Variants in SEMA4D observed in about 807,000 individuals in gnomAD.
SEMA4D encodes semaphorin-4D.
In SEMA4D, 22 loss-of-function variants were observed where a neutral mutation model predicts 74.8. The observed-to-expected ratio is 0.29, with a 90% confidence interval of 0.21 to 0.42. The LOEUF is 0.42. SEMA4D is among the 10% of genes least tolerant of loss of function. The probability of loss-of-function intolerance (pLI) is 1.00; values close to 1 mark genes in which losing one functional copy is unlikely to be tolerated. For missense variants in SEMA4D, 937 were observed against 1,118.4 expected, an observed-to-expected ratio of 0.84 and a Z score of 2.31; for synonymous variants, 445 against 463.7, an observed-to-expected ratio of 0.96 and a Z score of 0.52.
At chr9:89,448,747 G>C (rs1853594082) in intron 2 of SEMA4D, among the ~76,000 whole-genome samples, 2 of 152,226 alleles carry the variant, frequency 1.3e-5, no homozygotes, top group Admixed American at 6.5e-5. Context: ...TCTCTGCAAA[G>C]AAAAATGGGC....
intron 16 of SEMA4D, among the ~76,000 whole-genome samples, chr9:89,366,239 A>C (rs1026302062): frequency 5.9e-5 from 9 of 152,258 alleles, no homozygotes; most frequent in Non-Finnish European, 8.8e-5. Flanking sequence ...GTCATGGCCC[A>C]AAAATGGCTG....
chr9:89,397,162 A>G (rs759292017), intron 5 of SEMA4D, among the ~76,000 whole-genome samples: 3 of 152,226 alleles, frequency 2.0e-5, no homozygotes, highest in Non-Finnish European at 4.4e-5. Context: ...GGTGCCAAAC[A>G]GGATTTTGTT....
exon 19 of SEMA4D, chr9:89,361,900 C>G (rs1433701981): frequency 2.4e-5 from 4 of 164,708 alleles, no homozygotes; most frequent in Non-Finnish European, 5.3e-5. Flanking sequence ...TTGGCTAAGT[C>G]TGCAGGGAGG....
intron 2 of SEMA4D, among the ~76,000 whole-genome samples, chr9:89,408,658 C>T (rs949435652): frequency 4.5e-5 from 6 of 134,540 alleles, no homozygotes; most frequent in African/African-American, 1.4e-4. Context: ...CTGGCTCCCG[C>T]GCCACTAGAG....
chr9:89,376,621 G>A (rs1054433942), downstream of SEMA4D: 8 of 657,604 alleles, frequency 1.2e-5, no homozygotes, highest in African/African-American at 1.1e-4. Context: ...GTTGACCCCT[G>A]TACACTAGAA....
chr9:89,413,694 T>C (rs1481958659), intron 2 of SEMA4D, among the ~76,000 whole-genome samples: 2 of 152,276 alleles, frequency 1.3e-5, no homozygotes, highest in Non-Finnish European at 2.9e-5. Flanking sequence ...TGTGTATACA[T>C]ATGTGTATGC....
chr9:89,379,762 G>A (rs1836588042), intron 15 of SEMA4D, 133 bp from the exon 16 acceptor site: 1 of 1,109,806 alleles, frequency 9.0e-7, no homozygotes, highest in Non-Finnish European at 1.3e-6. Flanking sequence ...GAACAACTAA[G>A]GAGATAAAGA....
chr9:89,377,968 TAAAAAA>T lies in SEMA4D; in HGVS notation c.*730_*735del, dbSNP rs201511213. 7.2e-6 allele frequency: 1 copy of T among 138,346 alleles called. No homozygotes were observed. Among genetic ancestry groups the T allele is most frequent in the African/African-American group, 2.7e-5 (1 of 37,556 alleles). 8.6% of individuals were successfully genotyped at this position (138,346 alleles called of 1,614,324 possible). A position where few individuals can be genotyped will look rare whatever the true frequency, so the allele number is the denominator to read the frequency against. On this transcript the variant is annotated 3_prime_UTR_variant, in exon 16 of 16. Coordinates refer to ENST00000422704, the MANE Select transcript of SEMA4D (RefSeq NM_001371194.2). ...CAATGCTTCCCTCAAGGAATAAAGT[TAAAAAA>T]AAAAAAAGAAAAAGAAAAAAGGTGA...
At chr9:89,389,433 A>G (rs531274338) in intron 9 of SEMA4D, among the ~76,000 whole-genome samples, 5 of 152,226 alleles carry the variant, frequency 3.3e-5, no homozygotes, top group East Asian at 1.9e-4. Context: ...GGGCCCATCA[A>G]TGAACATGCT....
At position 89,389,278 on chromosome 9, in the gene SEMA4D, G is replaced by A. The variant is rs191187741; in HGVS notation, c.775-231C>T. Among the ~76,000 whole-genome samples, 811 of 152,284 alleles carry A rather than the reference G, an allele frequency of 5.3e-3. 6 individuals are homozygous for A. Among genetic ancestry groups the A allele is most frequent in the Non-Finnish European group, 7.4e-3 (504 of 68,020 alleles). ...CCTGGGTTAACACACAAAACAAAAC[G>A]GACAAAAGCCCTCTCACTGAAAGCT... On this transcript the variant is annotated intron_variant, in intron 9 of 15. Transcript: ENST00000422704.
intron 2 of SEMA4D, among the ~76,000 whole-genome samples, chr9:89,421,921 G>A (rs1564720183): frequency 6.6e-6 from 1 of 152,198 alleles, no homozygotes; most frequent in Non-Finnish European, 1.5e-5. Flanking sequence ...TGCAAAAGGA[G>A]TGTGCTTCAT....
intron 1 of SEMA4D, among the ~76,000 whole-genome samples, chr9:89,473,687 T>C (rs1861026407): frequency 6.6e-6 from 1 of 151,862 alleles, no homozygotes; most frequent in Non-Finnish European, 1.5e-5. Flanking sequence ...TGAAACCGTC[T>C]CTACTAAAAA....
intron 2 of SEMA4D, among the ~76,000 whole-genome samples, chr9:89,406,760 G>A (rs1587651219): frequency 6.6e-6 from 1 of 152,226 alleles, no homozygotes; most frequent in East Asian, 1.9e-4. Flanking sequence ...TCCTGTGAGG[G>A]TCATGGAACA....
intron 4 of SEMA4D, 146 bp from the exon 5 acceptor site, chr9:89,399,484 A>C: frequency 1.6e-6 from 1 of 638,596 alleles, no homozygotes; most frequent in Non-Finnish European, 2.8e-6. Flanking sequence ...GGAGGTTCAG[A>C]GAGCAGGGGA....
intron 13 of SEMA4D, chr9:89,384,849 T>A (rs1564558312): frequency 2.0e-6 from 2 of 985,284 alleles, no homozygotes; most frequent in Non-Finnish European, 2.4e-6. Flanking sequence ...CACTTCCTGC[T>A]GCCATGGCCA....
intron 1 of SEMA4D, among the ~76,000 whole-genome samples, chr9:89,493,038 C>G (rs1825749523): frequency 6.6e-6 from 1 of 152,230 alleles, no homozygotes; most frequent in Non-Finnish European, 1.5e-5. Context: ...GCACCCCAGC[C>G]ATGACTGACA....
At chr9:89,435,546 C>G (rs1850203701) in intron 2 of SEMA4D, among the ~76,000 whole-genome samples, 1 of 152,162 alleles carries the variant, frequency 6.6e-6, no homozygotes, top group Admixed American at 6.5e-5. Context: ...TCCCAGGGCT[C>G]TCTGACTTTC....
rs1014130059 is a variant in SEMA4D, at chr9:89,435,571, T to C, written c.-244+20317A>G. On this transcript the variant is annotated intron_variant, in intron 2 of 15. Transcript: ENST00000422704. ...CTCTGACTTTCACACACCTGGACCA[T>C]ACTAGACACAGTGCCGGGCATGTAC... is the stretch of plus-strand genomic sequence containing the variant. Among the ~76,000 whole-genome samples the C allele has an allele frequency of 2.6e-5, 4 of 152,024 alleles. No homozygotes were observed. The South Asian group carries it at 8.3e-4, about 32-fold the overall frequency.
intron 2 of SEMA4D, among the ~76,000 whole-genome samples, chr9:89,434,231 G>A (rs1185110258): frequency 6.6e-6 from 1 of 152,112 alleles, no homozygotes; most frequent in African/African-American, 2.4e-5. Context: ...CACGATGCAT[G>A]CTGCCCCCAT....
Sources: allele counts gnomAD v4.1 joint callset (sites outside exome capture counted in the v4.1 genomes callset), GRCh38; gene constraint gnomAD v4.1.1; transcripts MANE v1.5; gene names NCBI Gene and HGNC (gene_info 2026-07-23, HGNC 2026-07-21).